Variants in NGLY1 observed in about 807,000 individuals in gnomAD.
NGLY1 encodes peptide-N(4)-(N-acetyl-beta-glucosaminyl)asparagine amidase.
A neutral mutation model predicts 84.6 loss-of-function variants in NGLY1; 68 were observed. The observed-to-expected ratio is 0.80, with a 90% confidence interval of 0.66 to 0.98. The LOEUF (loss-of-function observed/expected upper bound fraction) is 0.98. Ranked by LOEUF, NGLY1 falls within the 50% of genes least tolerant of loss-of-function variation. NGLY1 has a pLI of 0.00. For missense variants in NGLY1, 779 were observed against 770.2 expected, an observed-to-expected ratio of 1.01 and a Z score of -0.14; for synonymous variants, 280 against 275.2, an observed-to-expected ratio of 1.02 and a Z score of -0.17.
Position 25,737,345 on chromosome 3 carries a change from C to T in NGLY1, c.992G>A (p.Trp331Ter). Reference sequence around the variant, plus strand: ...TCCACATTCTGTACCTGTGTAATCCCAAACATAGCGAGCTTCAAACCCTAC... The same window carrying T: ...TCCACATTCTGTACCTGTGTAATCCTAAACATAGCGAGCTTCAAACCCTAC... ...RAVGFEARYV[W>*]DYTDHVWTEV... The change falls in exon 6 of 12, where the codon TGG becomes TAG. Residue 331 changes from tryptophan to a stop codon, truncating the protein, a stop_gained. Transcript: ENST00000280700. LOFTEE classifies it high-confidence loss of function. 6.2e-7 allele frequency: 1 copy of T among 1,611,916 alleles called. No individual in the cohort carries two copies. Among genetic ancestry groups the T allele is most frequent in the Non-Finnish European group, 8.5e-7 (1 of 1,179,358 alleles).
At chr3:25,736,346 G>A in intron 6 of NGLY1, 197 bp from the exon 7 acceptor site, 1 of 1,551,428 alleles carries the variant, frequency 6.4e-7, no homozygotes, top group Non-Finnish European at 8.7e-7. Flanking sequence ...CCTTAAAAAT[G>A]TTTTTCCAAT....
At position 25,736,093 on chromosome 3, in the gene NGLY1, C is replaced by A. The variant is rs754474006; in HGVS notation, c.1060G>T (p.Ala354Ser). 1 of 1,613,780 alleles carries A rather than the reference C, an allele frequency of 6.2e-7. No homozygotes were observed. The highest frequency in any genetic ancestry group is 1.3e-5 in the African/African-American group (1 of 74,928). ...GGCTTGTCACAGACATCTTCACATGCATCACAGTGCAGCCACCGCTGCTGA... is the reference window on the plus strand; with the variant it reads ...GGCTTGTCACAGACATCTTCACATGAATCACAGTGCAGCCACCGCTGCTGA... The part of the protein sequence containing the change: ...PSQQRWLHCD[A>S]CEDVCDKPLL... Residue 354 changes from alanine (A) to serine (S), a missense_variant, in exon 7 of 12, where the codon GCA becomes TCA. By Grantham distance (99) the Ala-to-Ser change is moderately conservative. Coordinates refer to ENST00000280700, the MANE Select transcript of NGLY1 (RefSeq NM_018297.4).
In NGLY1 at chr3:25,751,149, G is replaced by A; in HGVS notation, c.607C>T (p.Leu203=). 6.2e-7 allele frequency: 1 copy of A among 1,613,056 alleles called. No individual in the cohort carries two copies. Among genetic ancestry groups the A allele is most frequent in the Non-Finnish European group, 8.5e-7 (1 of 1,179,566 alleles). Residue 203 remains leucine (L), a synonymous_variant, in exon 4 of 12, where the codon CTA becomes TTA. Coordinates refer to ENST00000280700, the MANE Select transcript of NGLY1 (RefSeq NM_018297.4). Reference sequence around the variant, plus strand: ...AACTTTTCTTGTGATTTCCTTTTTAGTTCTTGGACCGGAATACAAGCCAAC... The same window carrying A: ...AACTTTTCTTGTGATTTCCTTTTTAATTCTTGGACCGGAATACAAGCCAAC... ...KALACIPVQE[L]KRKSQEKLSR...
intron 4 of NGLY1, among the ~76,000 whole-genome samples, chr3:25,746,588 A>C (rs553993723): frequency 6.6e-6 from 1 of 152,338 alleles, no homozygotes; most frequent in South Asian, 2.1e-4. Context: ...AGTCTTAGCT[A>C]ATAGACTTGA....
At chr3:25,776,857 T>C (rs1708176563) in intron 2 of NGLY1, among the ~76,000 whole-genome samples, 1 of 152,194 alleles carries the variant, frequency 6.6e-6, no homozygotes, top group Non-Finnish European at 1.5e-5. Flanking sequence ...TCAACAAATC[T>C]TTATTGAGTA....
intron 4 of NGLY1, among the ~76,000 whole-genome samples, chr3:25,740,762 G>C (rs896379250): frequency 2.0e-5 from 3 of 152,020 alleles, no homozygotes; most frequent in Non-Finnish European, 2.9e-5. Flanking sequence ...TTCTAAAGCT[G>C]ATAACCTTCC....
chr3:25,739,469 G>A, intron 5 of NGLY1, 108 bp downstream of exon 5: 1 of 1,087,474 alleles, frequency 9.2e-7, no homozygotes, highest in South Asian at 1.6e-5. Flanking sequence ...CGGTATTTTA[G>A]AGGAATATAT....
intron 3 of NGLY1, among the ~76,000 whole-genome samples, chr3:25,762,812 AGTGTG>A (rs1394493667): frequency 3.3e-5 from 5 of 151,978 alleles, no homozygotes; most frequent in Non-Finnish European, 5.9e-5. Flanking sequence ...AAATTAGCCA[AGTGTG>A]GTGGCAGGTG....
intron 3 of NGLY1, chr3:25,754,804 TTG>T: frequency 1.4e-5 from 6 of 432,506 alleles, no homozygotes; most frequent in East Asian, 4.2e-5. Flanking sequence ...TTTTTTTTTT[TTG>T]ATACGAGCAA....
chr3:25,761,797 A>C (rs1194630199), intron 3 of NGLY1, among the ~76,000 whole-genome samples: 1 of 152,214 alleles, frequency 6.6e-6, no homozygotes, highest in African/African-American at 2.4e-5. Context: ...CAAACATGGG[A>C]AACAACCCAA....
Position 25,738,675 on chromosome 3 carries a change from C to A in NGLY1, c.881+902G>T, listed in dbSNP as rs145008155. The stretch of plus-strand genomic sequence containing the variant: ...CTCAAGTCTCACTCTGTCGCCCAGG[C>A]TGGAGCGCAGTGGCACAATCTTGGA... On this transcript the variant is annotated intron_variant, in intron 5 of 11. Transcript: ENST00000280700. 6.7e-3 allele frequency among the ~76,000 whole-genome samples: 1,011 copies of A among 151,734 alleles called. 5 individuals are homozygous for A. The highest frequency in any genetic ancestry group is 0.01 in the Non-Finnish European group (701 of 67,932).
At chr3:25,759,261 T>C (rs768956061) in intron 3 of NGLY1, among the ~76,000 whole-genome samples, 4 of 151,302 alleles carry the variant, frequency 2.6e-5, no homozygotes, top group Non-Finnish European at 5.9e-5. Context: ...TGATGACAAG[T>C]CTGGGGAATT....
chr3:25,720,634 G>A (rs1199706920), intron 10 of NGLY1, among the ~76,000 whole-genome samples: 2 of 152,046 alleles, frequency 1.3e-5, no homozygotes, highest in South Asian at 2.1e-4. Context: ...TCTCTAAATC[G>A]AGAAAATACC....
Position 25,729,181 on chromosome 3 carries a change from C to T in NGLY1, c.1563G>A (p.Val521=). 1 of 1,550,370 alleles carries T rather than the reference C, an allele frequency of 6.5e-7. No individual in the cohort carries two copies. The highest frequency in any genetic ancestry group is 8.7e-7 in the Non-Finnish European group (1 of 1,144,454). Reference sequence around the variant, plus strand: ...TTCTGAATATAGATTCCATTTTCCACACGCCATTCTCCCATCCAGAAATGG... The same window carrying T: ...TTCTGAATATAGATTCCATTTTCCATACGCCATTCTCCCATCCAGAAATGG... ...NQTISGWENG[V]WKMESIFRKV... Residue 521 remains valine, a synonymous_variant, in exon 10 of 12, where the codon GTG becomes GTA. Coordinates refer to ENST00000280700, the MANE Select transcript of NGLY1 (RefSeq NM_018297.4).
intron 10 of NGLY1, among the ~76,000 whole-genome samples, chr3:25,723,531 T>C (rs1559527878): frequency 2.0e-5 from 3 of 151,802 alleles, no homozygotes; most frequent in South Asian, 4.2e-4. Context: ...GTTTAGTAAA[T>C]TAAAATGTAC....
chr3:25,748,377 G>C (rs1460396998), intron 4 of NGLY1, among the ~76,000 whole-genome samples: 1 of 152,108 alleles, frequency 6.6e-6, no homozygotes, highest in African/African-American at 2.4e-5. Context: ...CAATGGGGGA[G>C]ACGACAAGAA....
intron 1 of NGLY1, among the ~76,000 whole-genome samples, chr3:25,781,590 T>A (rs1443107579): frequency 6.6e-6 from 1 of 152,204 alleles, no homozygotes; most frequent in Non-Finnish European, 1.5e-5. Context: ...GCGCTCATTG[T>A]CACACCCCTC....
intron 3 of NGLY1, 115 bp from the exon 4 acceptor site, chr3:25,751,378 A>C: frequency 1.2e-6 from 1 of 819,270 alleles, no homozygotes; most frequent in Non-Finnish European, 1.7e-6. Flanking sequence ...GTATGGATTC[A>C]CTTAAATATA....
At position 25,757,576 on chromosome 3, in the gene NGLY1, GAA is replaced by G. The variant is rs560194892; in HGVS notation, c.493-6315_493-6314del. Among the ~76,000 whole-genome samples the G allele has an allele frequency of 3.3e-3, 499 of 152,242 alleles. 2 individuals carry two copies. Among genetic ancestry groups the G allele is most frequent in the African/African-American group, 0.011 (460 of 41,540 alleles). On this transcript the variant is annotated intron_variant, in intron 3 of 11. Coordinates refer to ENST00000280700, the MANE Select transcript of NGLY1 (RefSeq NM_018297.4). ...GACTACCGAATGGTAAAAACCAACT[GAA>G]AAAAGTCAATTAAATTTGGCAACAT...
Sources: allele counts gnomAD v4.1 joint callset (sites outside exome capture counted in the v4.1 genomes callset), GRCh38; gene constraint gnomAD v4.1.1; transcripts MANE v1.5; gene names NCBI Gene and HGNC (gene_info 2026-07-23, HGNC 2026-07-21).